KCNIP4: variants seen among roughly 807,000 people sequenced by gnomAD.
KCNIP4 encodes the protein Kv channel-interacting protein 4.
In KCNIP4, 12 loss-of-function variants were observed where a neutral mutation model predicts 34.0. The ratio of observed to expected loss-of-function variants is 0.35; its 90% CI spans 0.23 to 0.57. The LOEUF is 0.57. Ranked by LOEUF, KCNIP4 falls within the 20% of genes least tolerant of loss-of-function variation. KCNIP4 has a pLI of 0.83. For missense variants in KCNIP4, 238 were observed against 311.7 expected (o/e 0.76, Z 1.78); for synonymous variants, 124 against 102.2 (o/e 1.21, Z -1.29).
intron 1 of KCNIP4, among the ~76,000 whole-genome samples, chr4:20,993,441 C>G (rs958370305): frequency 3.9e-5 from 6 of 152,184 alleles, no homozygotes; most frequent in Admixed American, 1.3e-4. Flanking sequence ...CTATGAATAG[C>G]TTCCAAGATT....
At chr4:21,263,155 A>AT (rs1452673313) in intron 1 of KCNIP4, among the ~76,000 whole-genome samples, 1 of 152,198 alleles carries the variant, frequency 6.6e-6, no homozygotes, top group Non-Finnish European at 1.5e-5. Context: ...ATTGGTCCAT[A>AT]TGATAATTCT....
At chr4:21,551,995 C>G (rs12650768) in intron 1 of KCNIP4, among the ~76,000 whole-genome samples, 37,399 of 148,488 alleles carry the variant, frequency 0.25, 4,879 homozygotes, top group South Asian at 0.36. Flanking sequence ...CCAGTTATAT[C>G]TAGGTTATTG....
intron 1 of KCNIP4, among the ~76,000 whole-genome samples, chr4:21,712,062 G>T (rs1713772956): frequency 6.6e-6 from 1 of 151,982 alleles, no homozygotes; most frequent in Non-Finnish European, 1.5e-5. Flanking sequence ...CTTCCCTACA[G>T]TCCAAAAATT....
chr4:20,945,733 T>C (rs974605553), intron 1 of KCNIP4, among the ~76,000 whole-genome samples: 2 of 152,110 alleles, frequency 1.3e-5, no homozygotes, highest in African/African-American at 4.8e-5. Flanking sequence ...AAACGGTTCT[T>C]AAAATAGATG....
rs571905771 is a variant in KCNIP4, at chr4:21,553,041, G to A, written c.61+395530C>T. ...TAGGTGGTGGCCAGTGGGGGTTGAGGGGGGAGTCTCTCTTAAAAGGGTGAA... is the reference window on the plus strand; with the variant it reads ...TAGGTGGTGGCCAGTGGGGGTTGAGAGGGGAGTCTCTCTTAAAAGGGTGAA... On this transcript the variant is annotated intron_variant, in intron 1 of 8. Transcript: ENST00000382152. Among the ~76,000 whole-genome samples the A allele has an allele frequency of 4.0e-4, 61 of 151,990 alleles. 1 individual carries two copies. In the South Asian group the frequency reaches 5.2e-3, roughly 13 times the overall value.
At chr4:21,467,190 T>C (rs906068291) in intron 1 of KCNIP4, among the ~76,000 whole-genome samples, 1 of 151,958 alleles carries the variant, frequency 6.6e-6, no homozygotes, top group Non-Finnish European at 1.5e-5. Context: ...TTTTACTTCT[T>C]AAGGATTGTT....
At chr4:21,444,717 A>G (rs1014861698) in intron 1 of KCNIP4, among the ~76,000 whole-genome samples, 7 of 152,216 alleles carry the variant, frequency 4.6e-5, no homozygotes, top group African/African-American at 1.7e-4. Context: ...AACTGGCACA[A>G]GACAGGGATG....
chr4:21,126,786 G>A (rs146452785), intron 1 of KCNIP4, among the ~76,000 whole-genome samples: 62 of 152,262 alleles, frequency 4.1e-4, no homozygotes, highest in Middle Eastern at 3.4e-3. Context: ...CAAAAAGCAA[G>A]TAGCAAGGGT....
intron 1 of KCNIP4, among the ~76,000 whole-genome samples, chr4:21,124,867 C>G (rs1188915262): frequency 1.3e-5 from 2 of 152,074 alleles, no homozygotes; most frequent in Non-Finnish European, 2.9e-5. Flanking sequence ...ATGATCTCAA[C>G]TCCATTCAGC....
intron 1 of KCNIP4, among the ~76,000 whole-genome samples, chr4:21,440,972 T>C (rs893850529): frequency 1.3e-5 from 2 of 152,254 alleles, no homozygotes; most frequent in African/African-American, 4.8e-5. Context: ...TGTTATGAAA[T>C]ATGCAATCAG....
At chr4:21,774,812 C>A (rs1378602889) in intron 1 of KCNIP4, among the ~76,000 whole-genome samples, 2 of 152,182 alleles carry the variant, frequency 1.3e-5, no homozygotes, top group Admixed American at 1.3e-4. Flanking sequence ...TTATGTTCCT[C>A]TCTAAACCTG....
intron 1 of KCNIP4, among the ~76,000 whole-genome samples, chr4:21,517,508 A>G (rs1296552524): frequency 6.6e-6 from 1 of 152,204 alleles, no homozygotes; most frequent in Non-Finnish European, 1.5e-5. Context: ...AAAATTGGAG[A>G]CAGTTTGTAA....
chr4:21,391,429 GC>G (rs549913098), intron 1 of KCNIP4, among the ~76,000 whole-genome samples: 12 of 152,170 alleles, frequency 7.9e-5, no homozygotes, highest in Admixed American at 7.9e-4. Context: ...ATGCTAGGTG[GC>G]CACCTGAGCA....
intron 1 of KCNIP4, among the ~76,000 whole-genome samples, chr4:21,570,010 C>A (rs1209463555): frequency 6.6e-6 from 1 of 151,972 alleles, no homozygotes; most frequent in East Asian, 1.9e-4. Flanking sequence ...GACATCAGGG[C>A]TAGAAGTGTC....
chr4:21,805,690 G>T (rs1246576229), intron 1 of KCNIP4, among the ~76,000 whole-genome samples: 8 of 152,024 alleles, frequency 5.3e-5, no homozygotes, highest in Admixed American at 5.2e-4. Context: ...TATACTCTCT[G>T]CCTCCATGAA....
At chr4:20,742,186 C>T (rs919689572) in intron 5 of KCNIP4, among the ~76,000 whole-genome samples, 1 of 152,102 alleles carries the variant, frequency 6.6e-6, no homozygotes, top group South Asian at 2.1e-4. Context: ...TTCCAATCAA[C>T]AGAAAAAGAG....
chr4:21,415,123 C>A (rs572645106), intron 1 of KCNIP4, among the ~76,000 whole-genome samples: 3 of 152,172 alleles, frequency 2.0e-5, no homozygotes, highest in East Asian at 1.9e-4. Context: ...CCCTTCCCAG[C>A]CTCTGGTAAT....
At chr4:20,743,613 A>G (rs538131570) in intron 5 of KCNIP4, among the ~76,000 whole-genome samples, 2,568 of 152,326 alleles carry the variant, frequency 0.017, 66 homozygotes, top group African/African-American at 0.059. Flanking sequence ...TTATACAAAA[A>G]TTAATTCAAG....
intron 1 of KCNIP4, among the ~76,000 whole-genome samples, chr4:21,047,866 TC>T (rs1742574248): frequency 6.6e-6 from 1 of 152,202 alleles, no homozygotes; most frequent in South Asian, 2.1e-4. Context: ...TTACTCATTC[TC>T]CTTTAAAGCT....
Sources: allele counts gnomAD v4.1 joint callset (sites outside exome capture counted in the v4.1 genomes callset), GRCh38; gene constraint gnomAD v4.1.1; transcripts MANE v1.5; gene names NCBI Gene and HGNC (gene_info 2026-07-23, HGNC 2026-07-21).